The following USO1 variants were observed in gnomAD, a reference collection of about 807,000 sequenced individuals.
USO1 encodes the protein general vesicular transport factor p115.
A neutral mutation model predicts 124.5 loss-of-function variants in USO1; 57 were observed. The ratio of observed to expected loss-of-function variants is 0.46; its 90% confidence interval spans 0.37 to 0.57. The LOEUF is 0.57. Among genes scored for constraint, USO1 ranks in the 20% least tolerant of loss-of-function variants. The probability of loss-of-function intolerance (pLI) is 0.00; values close to 1 mark genes in which losing one functional copy is unlikely to be tolerated. For missense variants in USO1, 900 were observed against 1,040.6 expected (o/e 0.86, Z 1.86); for synonymous variants, 369 against 362.8 (o/e 1.02, Z -0.19).
chr4:75,772,768 T>G (rs1721968762), intron 7 of USO1, among the ~76,000 whole-genome samples: 1 of 152,108 alleles, frequency 6.6e-6, no homozygotes, highest in Non-Finnish European at 1.5e-5. Flanking sequence ...TACCACTTAT[T>G]TTCATTTTCA....
rs1577937430 is a variant in USO1 at position 75,753,319 on chromosome 4, A to T, written c.218+715A>T. Among the ~76,000 whole-genome samples, 4 of 152,064 alleles carry T rather than the reference A, an allele frequency of 2.6e-5. No homozygotes were observed. In the East Asian group the frequency reaches 7.8e-4, roughly 30 times the overall value. The stretch of plus-strand genomic sequence containing the variant: ...GAAGCCGAGGCAGGTGGATTACTTG[A>T]GGTCAGGAGTTCGAGACCAGCCTGG... On this transcript the variant is annotated intron_variant, in intron 3 of 23. Transcript: ENST00000514213.
chr4:75,786,390 C>CAT (rs895565425), intron 9 of USO1, among the ~76,000 whole-genome samples: 42 of 152,200 alleles, frequency 2.8e-4, no homozygotes, highest in African/African-American at 7.7e-4. Context: ...AGATTTTGCA[C>CAT]ATATATATAC....
At chr4:75,743,213 C>T (rs962051453) in intron 1 of USO1, among the ~76,000 whole-genome samples, 1 of 152,116 alleles carries the variant, frequency 6.6e-6, no homozygotes, top group Non-Finnish European at 1.5e-5. Context: ...TCACGATCTC[C>T]TGACCTCGTG....
rs1156835718 is a variant in USO1 at position 75,806,500 on chromosome 4, A to G, written c.2304A>G (p.Thr768=). The change falls in exon 20 of 24, where the codon ACA becomes ACG. Residue 768 remains threonine (T), a synonymous_variant. Coordinates refer to ENST00000514213, the MANE Select transcript of USO1 (RefSeq NM_003715.4). ...SMIENMKSSQ[T]SGTNEQSSAI... is the part of the protein sequence containing the mutation. ...GCTATTTGCAGAAATCTTCCCAAAC[A>G]TCTGGCACAAATGAACAGTCTTCAG... The G allele has an allele frequency of 3.2e-6, 5 of 1,559,330 alleles. No homozygotes were observed. Among genetic ancestry groups the G allele is most frequent in the African/African-American group, 1.4e-5 (1 of 73,508 alleles).
intron 1 of USO1, among the ~76,000 whole-genome samples, chr4:75,742,414 C>G (rs151278972): frequency 1.3e-5 from 2 of 152,242 alleles, no homozygotes; most frequent in South Asian, 4.1e-4. Flanking sequence ...AATGTCGTTA[C>G]GTAGGCCATG....
Position 75,757,500 on chromosome 4 carries a change from A to G in USO1, c.222A>G (p.Ser74=), listed in dbSNP as rs753675858. The G allele has an allele frequency of 1.3e-6, 2 of 1,505,304 alleles. No individual in the cohort carries two copies. The highest frequency in any genetic ancestry group is 2.5e-5 in the East Asian group (1 of 39,234). The allele number at this position is 1,505,304 out of a possible 1,614,324, so 93.2% of individuals were successfully genotyped here. A position where few individuals can be genotyped will look rare whatever the true frequency, so the allele number is the denominator to read the frequency against. ...HLIHVLQTDR[S]DSEIIGYALD... ...TGTAATAATTTCTTTTTTCCAGTTC[A>G]GATTCTGAAATAATAGGTTATGCTT... is the stretch of plus-strand genomic sequence containing the variant. The change falls in exon 4 of 24, where the codon TCA becomes TCG. Residue 74 remains serine, a synonymous_variant. Coordinates refer to ENST00000514213, the MANE Select transcript of USO1 (RefSeq NM_003715.4).
At chr4:75,759,319 C>A (rs1483311826) in intron 4 of USO1, among the ~76,000 whole-genome samples, 2 of 122,906 alleles carry the variant, frequency 1.6e-5, no homozygotes, top group Non-Finnish European at 3.2e-5. Flanking sequence ...TTGGGCTGGG[C>A]GCGGTGGCTC....
Position 75,734,718 on chromosome 4 carries a change from CTTTTTTTTTTTTT to C in USO1, c.66+9849_66+9861del, listed in dbSNP as rs55928639. On this transcript the variant is annotated intron_variant, in intron 1 of 23. Coordinates refer to ENST00000514213, the MANE Select transcript of USO1 (RefSeq NM_003715.4). Reference sequence around the variant, plus strand: ...CTGTAGATTGCTTTGGGCAGTATGGCTTTTTTTTTTTTTTTTTTTTTTTTTTTTGAATTAGAGC... The same window carrying C: ...CTGTAGATTGCTTTGGGCAGTATGGCTTTTTTTTTTTTTTTGAATTAGAGC... Among the ~76,000 whole-genome samples the C allele has an allele frequency of 2.3e-4, 11 of 47,464 alleles. No individual in the cohort carries two copies. The South Asian group carries it at 3.9e-3, about 17-fold the overall frequency. 31.1% of individuals were successfully genotyped at this position (47,464 alleles called of 152,430 possible).
intron 13 of USO1, among the ~76,000 whole-genome samples, chr4:75,796,993 A>G (rs1722703961): frequency 6.6e-6 from 1 of 151,468 alleles, no homozygotes; most frequent in Non-Finnish European, 1.5e-5. Context: ...TACTTAGAAA[A>G]GGCCTTTCCA....
chr4:75,770,446 T>C lies in USO1; in HGVS notation c.303T>C (p.Asn101=). ...SNEEEEEVEE[N]STRQSEDLGS... ...TATTTTTGAATATTACAGAAGAAAA[T>C]TCCACAAGACAGAGTGAAGATTTGG... Residue 101 remains asparagine (N), a synonymous_variant, in exon 5 of 24, where the codon AAT becomes AAC. Coordinates refer to ENST00000514213, the MANE Select transcript of USO1 (RefSeq NM_003715.4). 1 of 1,552,630 alleles carries C rather than the reference T, an allele frequency of 6.4e-7. No homozygotes were observed. The highest frequency in any genetic ancestry group is 2.3e-5 in the East Asian group (1 of 43,038).
intron 1 of USO1, among the ~76,000 whole-genome samples, chr4:75,732,222 A>G (rs1378669965): frequency 1.3e-5 from 2 of 150,912 alleles, no homozygotes; most frequent in African/African-American, 4.9e-5. Context: ...GTGCTTACTC[A>G]TTGTTTAGCT....
At chr4:75,779,110 A>G (rs1722150326) in intron 8 of USO1, among the ~76,000 whole-genome samples, 1 of 152,198 alleles carries the variant, frequency 6.6e-6, no homozygotes, top group South Asian at 2.1e-4. Flanking sequence ...AACAGTGCCC[A>G]TATAAGAGGG....
Position 75,809,047 on chromosome 4 carries a change from C to T in USO1, c.2471C>T (p.Ala824Val), listed in dbSNP as rs11548829. The change falls in exon 21 of 24, where the codon GCG (alanine) becomes GTG (valine). Residue 824 changes from alanine to valine, a missense_variant. Physicochemically the swap from Ala to Val is moderately conservative, Grantham distance 64 (BLOSUM62 0). Around this residue, in one of 2 missense-constraint regions of USO1, gnomAD observed 362 missense variants for 359.0 expected, o/e 1.01. Transcript: ENST00000514213. The stretch of plus-strand genomic sequence containing the variant: ...CAGGAACTGTTACAGAAAACAGAAG[C>T]GTTTGTAAGTATTTTCTCTTTTTTC... Reference protein sequence around the residue: ...EKQELLQKTEAFAKSVEVQGE... With the variant: ...EKQELLQKTEVFAKSVEVQGE... 1.9e-6 allele frequency: 3 copies of T among 1,587,166 alleles called. No homozygotes were observed. Among genetic ancestry groups the T allele is most frequent in the Non-Finnish European group, 1.7e-6 (2 of 1,167,838 alleles).
intron 20 of USO1, 103 bp downstream of exon 20, chr4:75,806,675 G>A (rs535858214): frequency 7.1e-7 from 1 of 1,412,522 alleles, no homozygotes; most frequent in African/African-American, 1.5e-5. Context: ...GCAGATGTAA[G>A]TAAAATTTAA....
At chr4:75,813,023 T>G (rs324698) in intron 23 of USO1, among the ~76,000 whole-genome samples, 183 bp from the exon 24 acceptor site, 98,520 of 151,748 alleles carry the variant, frequency 0.65, 34,108 homozygotes, top group East Asian at 0.91. Flanking sequence ...TGAGACAGGA[T>G]AATCGCTTGA....
At chr4:75,763,421 T>G (rs1259487385) in intron 4 of USO1, among the ~76,000 whole-genome samples, 1 of 152,198 alleles carries the variant, frequency 6.6e-6, no homozygotes, top group Non-Finnish European at 1.5e-5. Flanking sequence ...AAATATGATT[T>G]CTGTTATATT....
chr4:75,752,903 G>A (rs988380790), intron 3 of USO1, among the ~76,000 whole-genome samples: 160 of 152,270 alleles, frequency 1.1e-3, no homozygotes, highest in Non-Finnish European at 1.9e-3. Flanking sequence ...TGGACAGAGT[G>A]CGAGCCACTG....
intron 4 of USO1, among the ~76,000 whole-genome samples, chr4:75,757,985 T>TAATTTATAAAGTGC (rs1180096058): frequency 1.3e-5 from 2 of 152,184 alleles, no homozygotes; most frequent in Non-Finnish European, 2.9e-5. Context: ...GGACTTATGT[T>TAATTTATAAAGTGC]AATTTATAAA....
rs755310052 is a variant in USO1 at position 75,813,925 on chromosome 4, C to T, written c.*630C>T. On this transcript the variant is annotated 3_prime_UTR_variant, in exon 24 of 24. Transcript: ENST00000514213. ...ACACACAGTGATGTGGAGGGCATTCCGGAGAAACTTTTGCAACAGTGTATT... is the reference window on the plus strand; with the variant it reads ...ACACACAGTGATGTGGAGGGCATTCTGGAGAAACTTTTGCAACAGTGTATT... 3.9e-5 allele frequency: 6 copies of T among 152,154 alleles called. No homozygotes were observed. The highest frequency in any genetic ancestry group is 9.7e-5 in the African/African-American group (4 of 41,430). 9.4% of individuals were successfully genotyped at this position (152,154 alleles called of 1,614,324 possible). A position where few individuals can be genotyped will look rare whatever the true frequency, so the allele number is the denominator to read the frequency against.
Sources: allele counts gnomAD v4.1 joint callset (sites outside exome capture counted in the v4.1 genomes callset), GRCh38; gene constraint gnomAD v4.1.1; regional missense constraint gnomAD v4.1.1; transcripts MANE v1.5; gene names NCBI Gene and HGNC (gene_info 2026-07-23, HGNC 2026-07-21).